The following SH3TC1 variants were observed in gnomAD, a reference collection of about 807,000 sequenced individuals.
The protein encoded by SH3TC1 is SH3 domain and tetratricopeptide repeat-containing protein 1.
In SH3TC1, 135 loss-of-function variants were observed where a neutral mutation model predicts 117.3. The observed-to-expected ratio is 1.15, with a 90% CI of 1.00 to 1.33. SH3TC1 has a LOEUF of 1.33. Ranked by LOEUF, SH3TC1 falls within the 40% of genes most tolerant of loss-of-function variation. The pLI, the probability that SH3TC1 is intolerant of heterozygous loss-of-function variation, is 0.00. For missense variants in SH3TC1, 2,092 were observed against 1,794.3 expected, an observed-to-expected ratio of 1.17 and a Z score of -3.00; for synonymous variants, 898 against 816.9, an observed-to-expected ratio of 1.10 and a Z score of -1.69.
Position 8,216,115 on chromosome 4 carries a change from C to T in SH3TC1, c.486C>T (p.Phe162=). The T allele has an allele frequency of 6.2e-7, 1 of 1,613,058 alleles. No individual in the cohort carries two copies. ...WKFSTYHALG[F]THHCLANLLM... ...GACTGGGCCTGGCCTCCACAGGCTT[C>T]ACTCATCACTGCCTGGCAAACCTGC... The change falls in exon 6 of 18, where the codon TTC becomes TTT. Residue 162 remains phenylalanine, a synonymous_variant. Transcript: ENST00000245105.
At chr4:8,230,344 C>T (rs1263638422) in intron 12 of SH3TC1, among the ~76,000 whole-genome samples, 2 of 152,118 alleles carry the variant, frequency 1.3e-5, no homozygotes, top group African/African-American at 2.4e-5. Flanking sequence ...TCATGTTCCC[C>T]CAGGCTGGTC....
Position 8,227,433 on chromosome 4 carries a change from G to C in SH3TC1, c.1739G>C (p.Arg580Pro). The change falls in exon 12 of 18, where the codon CGG (arginine) becomes CCG (proline). Residue 580 changes from arginine to proline, a missense_variant. Arg to Pro is a moderately radical substitution (Grantham distance 103). Coordinates refer to ENST00000245105, the MANE Select transcript of SH3TC1 (RefSeq NM_018986.5). ...CSRRLKLSQARVYFEEALGAL... is the reference protein window; with the variant it reads ...CSRRLKLSQAPVYFEEALGAL... ...AGGAGGCTCAAGCTGTCCCAGGCCC[G>C]GGTGTACTTTGAGGAAGCGCTGGGG... 2 of 1,556,848 alleles carry C rather than the reference G, an allele frequency of 1.3e-6. No homozygotes were observed.
At chr4:8,188,585 C>A (rs567436549) in intron 1 of SH3TC1, among the ~76,000 whole-genome samples, 1 of 152,250 alleles carries the variant, frequency 6.6e-6, no homozygotes, top group Non-Finnish European at 1.5e-5. Context: ...CCCGGTCCCC[C>A]CTCTGTGGTA....
chr4:8,233,640 A>C, intron 14 of SH3TC1, 127 bp downstream of exon 14: 1 of 1,138,672 alleles, frequency 8.8e-7, no homozygotes, highest in Non-Finnish European at 1.2e-6. Flanking sequence ...CCTTCCTTCC[A>C]TCCATCCATC....
chr4:8,231,846 G>A lies in SH3TC1; in HGVS notation c.2951-130G>A, dbSNP rs575514805. ...GTGCCCATGTCACGGTGTGCTCAGC[G>A]GTTCCCCGCCTGTGGGGCCCAGGCT... On this transcript the variant is annotated intron_variant, in intron 12 of 17. Coordinates refer to ENST00000245105, the MANE Select transcript of SH3TC1 (RefSeq NM_018986.5). 57 of 1,056,048 alleles carry A rather than the reference G, an allele frequency of 5.4e-5. 1 individual carries two copies. Among genetic ancestry groups the A allele is most frequent in the South Asian group, 4.4e-4 (29 of 65,500 alleles). The allele number at this position is 1,056,048 out of a possible 1,614,324, so 65.4% of individuals were successfully genotyped here. A position where few individuals can be genotyped will look rare whatever the true frequency, so the allele number is the denominator to read the frequency against.
At chr4:8,228,736 T>C (rs889574960) in intron 12 of SH3TC1, 92 bp downstream of exon 12, 3 of 1,112,260 alleles carry the variant, frequency 2.7e-6, no homozygotes, top group Non-Finnish European at 3.7e-6. Flanking sequence ...CGGTGGTTTT[T>C]CCACCATCGA....
At chr4:8,240,569 C>T in intron 17 of SH3TC1, 129 bp from the exon 18 acceptor site, 1 of 1,451,640 alleles carries the variant, frequency 6.9e-7, no homozygotes, top group Non-Finnish European at 9.4e-7. Flanking sequence ...ACAGCAGTGT[C>T]ACAGGCTTCG....
rs1475298998 is a variant in SH3TC1, at chr4:8,205,076, G to A, written c.-28-91G>A. On this transcript the variant is annotated intron_variant, in intron 1 of 17. Transcript: ENST00000245105. This position sits in a 1 kb window ranked among gnomAD's most constrained non-coding sequence, Gnocchi z 5.4. ...AAGGTGCAGGCGCTCAGCAACGCTG[G>A]TGTTCTCTTTCTGGACCCCAGGCCT... 1 of 1,058,740 alleles carries A rather than the reference G, an allele frequency of 9.4e-7. No homozygotes were observed. The highest frequency in any genetic ancestry group is 3.1e-5 in the Admixed American group (1 of 32,134). 65.6% of individuals were successfully genotyped at this position (1,058,740 alleles called of 1,614,324 possible).
rs575817880 is a variant in SH3TC1, at chr4:8,186,355, C to G, written c.-57+4145C>G. On this transcript the variant is annotated intron_variant, in intron 1 of 16. Transcript: ENST00000508641. This position sits in a 1 kb window ranked among gnomAD's most constrained non-coding sequence, Gnocchi z 5.2. ...AACAGGGACATCTGAAAAACCTTCC[C>G]GGCCAAAAGGCACCCCAAAAGACGA... 4.1e-4 allele frequency among the ~76,000 whole-genome samples: 62 copies of G among 152,328 alleles called. No individual in the cohort carries two copies. The highest frequency in any genetic ancestry group is 1.4e-3 in the African/African-American group (59 of 41,574).
At chr4:8,239,308 C>A (rs1005745047) in intron 17 of SH3TC1, among the ~76,000 whole-genome samples, 2 of 86,570 alleles carry the variant, frequency 2.3e-5, no homozygotes, top group Non-Finnish European at 4.7e-5. Flanking sequence ...TGAGCACACA[C>A]AGGCACAGGC....
chr4:8,230,125 G>T (rs565541582), intron 12 of SH3TC1, among the ~76,000 whole-genome samples: 295 of 152,232 alleles, frequency 1.9e-3, no homozygotes, highest in Admixed American at 5.2e-3. Context: ...GGTCATTTTT[G>T]AGTCACTTTT....
In SH3TC1 at chr4:8,205,629, G is replaced by T. The variant is rs761032051; in HGVS notation, c.172+263G>T. On this transcript the variant is annotated intron_variant, in intron 2 of 17. Coordinates refer to ENST00000245105, the MANE Select transcript of SH3TC1 (RefSeq NM_018986.5). This position sits in a 1 kb window ranked among gnomAD's most constrained non-coding sequence, Gnocchi z 5.4. Reference sequence around the variant, plus strand: ...AGTGATAACAAAACTGGCAAAGAACGAGGCAGGGGCCTTTGAACCCCCATG... The same window carrying T: ...AGTGATAACAAAACTGGCAAAGAACTAGGCAGGGGCCTTTGAACCCCCATG... 1.3e-6 allele frequency: 1 copy of T among 767,550 alleles called. No homozygotes were observed. Among genetic ancestry groups the T allele is most frequent in the East Asian group, 2.4e-5 (1 of 41,254 alleles). The allele number at this position is 767,550 out of a possible 1,614,324, so 47.5% of individuals were successfully genotyped here. A position where few individuals can be genotyped will look rare whatever the true frequency, so the allele number is the denominator to read the frequency against.
chr4:8,204,998 T>A, intron 1 of SH3TC1, 169 bp from the exon 2 acceptor site: 6 of 459,680 alleles, frequency 1.3e-5, no homozygotes, highest in Non-Finnish European at 2.2e-5. Context: ...CGGTGCGGGA[T>A]CACGCCCACC....
chr4:8,182,696 G>A (rs533970179), intron 1 of SH3TC1, among the ~76,000 whole-genome samples: 2 of 152,340 alleles, frequency 1.3e-5, no homozygotes, highest in East Asian at 3.9e-4. Flanking sequence ...CATGTGGCCA[G>A]CAGCCATAGT....
chr4:8,234,201 TCCA>T (rs1721580452), intron 14 of SH3TC1, among the ~76,000 whole-genome samples: 1 of 121,682 alleles, frequency 8.2e-6, no homozygotes, highest in African/African-American at 2.8e-5. Flanking sequence ...CATTCATCCA[TCCA>T]CCATCCACCA....
chr4:8,206,832 CGT>C lies in SH3TC1; in HGVS notation c.172+1502_172+1503del, dbSNP rs58753240. On this transcript the variant is annotated intron_variant, in intron 2 of 17. Coordinates refer to ENST00000245105, the MANE Select transcript of SH3TC1 (RefSeq NM_018986.5). The surrounding 1 kb of genome is among the most constrained non-coding windows in gnomAD (Gnocchi z 5.5). Reference sequence around the variant, plus strand: ...AGGACTTTTACTTTGTGTGTGTACTCGTGTGTGTGTGTGTGTGTGTGTGTGTG... The same window carrying C: ...AGGACTTTTACTTTGTGTGTGTACTCGTGTGTGTGTGTGTGTGTGTGTGTG... 0.072 allele frequency among the ~76,000 whole-genome samples: 10,402 copies of C among 144,462 alleles called. 458 individuals carry two copies. Among genetic ancestry groups the C allele is most frequent in the South Asian group, 0.15 (678 of 4,412 alleles). The allele number at this position is 144,462 out of a possible 152,430, so 94.8% of individuals were successfully genotyped here. A position where few individuals can be genotyped will look rare whatever the true frequency, so the allele number is the denominator to read the frequency against.
rs1461632668 is a variant in SH3TC1 at position 8,212,600 on chromosome 4, G to C, written c.248-101G>C. 6 of 1,527,758 alleles carry C rather than the reference G, an allele frequency of 3.9e-6. No homozygotes were observed. The African/African-American group carries it at 4.1e-5, about 10-fold the overall frequency. The allele number at this position is 1,527,758 out of a possible 1,614,324, so 94.6% of individuals were successfully genotyped here. A position where few individuals can be genotyped will look rare whatever the true frequency, so the allele number is the denominator to read the frequency against. On this transcript the variant is annotated intron_variant, in intron 3 of 17. Transcript: ENST00000245105. ...AGGAGCTCACTGCCCAGGCCTTCGG[G>C]GTCAGGTGTGTGGGTTGGAGGCTGG...
At position 8,205,337 on chromosome 4, in the gene SH3TC1, C is replaced by T; in HGVS notation, c.143C>T (p.Pro48Leu). Residue 48 changes from proline (P) to leucine (L), a missense_variant, in exon 2 of 18, where the codon CCC becomes CTC. Transcript: ENST00000245105. The surrounding 1 kb of genome is among the most constrained non-coding windows in gnomAD (Gnocchi z 5.4). ...TCTGTGAGCTGGGAGAAAGCGGGGC[C>T]CGAGGAGGCCAAGGCGCCAGTGAGA... Reference protein sequence around the residue: ...RPSVSWEKAGPEEAKAPVRGD... With the variant: ...RPSVSWEKAGLEEAKAPVRGD... The T allele has an allele frequency of 2.6e-6, 4 of 1,549,576 alleles. No homozygotes were observed. The highest frequency in any genetic ancestry group is 2.4e-5 in the East Asian group (1 of 40,906).
chr4:8,204,461 T>C (rs1336757657), intron 1 of SH3TC1, among the ~76,000 whole-genome samples: 1 of 152,156 alleles, frequency 6.6e-6, no homozygotes, highest in African/African-American at 2.4e-5. Flanking sequence ...ACTTGAAAAC[T>C]GCCCTGGCCA....
Sources: allele counts gnomAD v4.1 joint callset (sites outside exome capture counted in the v4.1 genomes callset), GRCh38; gene constraint gnomAD v4.1.1; non-coding constraint Gnocchi (gnomAD v3.1); transcripts MANE v1.5; gene names NCBI Gene and HGNC (gene_info 2026-07-23, HGNC 2026-07-21).